Variants in DEFB112 observed in about 807,000 individuals in gnomAD.
DEFB112 encodes the protein beta-defensin 112.
A neutral mutation model predicts 1.1 loss-of-function variants in DEFB112; 2 were observed. The observed-to-expected ratio is 1.85, with a 90% confidence interval of 0.76 to 5.83. The LOEUF (loss-of-function observed/expected upper bound fraction) is 5.83. Among genes scored for constraint, DEFB112 ranks in the 30% most tolerant of loss-of-function variants. DEFB112 has a pLI of 0.05. For missense variants in DEFB112, 120 were observed against 94.4 expected (o/e 1.27, Z -1.12); for synonymous variants, 40 against 31.2 (o/e 1.28, Z -0.93).
At chr6:50,048,006 G>A (rs557751576) in intron 1 of DEFB112, among the ~76,000 whole-genome samples, 120 of 151,962 alleles carry the variant, frequency 7.9e-4, no homozygotes, top group Non-Finnish European at 1.1e-3. Flanking sequence ...AATTAGCGGG[G>A]CGTGGTGGTG....
chr6:50,047,040 G>T (rs917485031), intron 1 of DEFB112, among the ~76,000 whole-genome samples: 4 of 152,180 alleles, frequency 2.6e-5, no homozygotes, highest in East Asian at 1.9e-4. Context: ...CTGGGGGTCA[G>T]CTTGGTGTTG....
At chr6:50,046,505 T>A (rs577566182) in intron 1 of DEFB112, among the ~76,000 whole-genome samples, 1 of 152,246 alleles carries the variant, frequency 6.6e-6, no homozygotes, top group African/African-American at 2.4e-5. Context: ...AGATTTCAAA[T>A]TTTGAATGTT....
At chr6:50,045,029 T>C (rs1774809500) in intron 1 of DEFB112, among the ~76,000 whole-genome samples, 3 of 152,072 alleles carry the variant, frequency 2.0e-5, no homozygotes, top group Admixed American at 2.0e-4. Context: ...ATACTCTGGA[T>C]TTGCAGTGAT....
chr6:50,043,533 G>A lies in DEFB112; in HGVS notation c.*42C>T, dbSNP rs1774779681. 2.7e-6 allele frequency: 4 copies of A among 1,466,214 alleles called. No individual in the cohort carries two copies. The highest frequency in any genetic ancestry group is 1.4e-5 in the African/African-American group (1 of 71,976). The allele number at this position is 1,466,214 out of a possible 1,614,324, so 90.8% of individuals were successfully genotyped here. A position where few individuals can be genotyped will look rare whatever the true frequency, so the allele number is the denominator to read the frequency against. On this transcript the variant is annotated 3_prime_UTR_variant, in exon 2 of 2. Coordinates refer to ENST00000651554, the MANE Select transcript of DEFB112 (RefSeq NM_001369057.2). ...TTAATGAAGTGATGAAATAATGAGAGGACTTCATTCAGATGTATCATCTTC... is the reference window on the plus strand; with the variant it reads ...TTAATGAAGTGATGAAATAATGAGAAGACTTCATTCAGATGTATCATCTTC...
At chr6:50,047,146 G>T (rs1269317569) in intron 1 of DEFB112, among the ~76,000 whole-genome samples, 1 of 152,204 alleles carries the variant, frequency 6.6e-6, no homozygotes, top group African/African-American at 2.4e-5. Flanking sequence ...AGTCTGTGGG[G>T]CTTGAACTAG....
intron 1 of DEFB112, chr6:50,048,490 G>T (rs371358459): frequency 8.8e-6 from 13 of 1,478,182 alleles, no homozygotes; most frequent in Non-Finnish European, 1.1e-5. Flanking sequence ...CAGTCAAAAA[G>T]TATTGATTAA....
In DEFB112 at chr6:50,042,568, A is replaced by G. The variant is rs906304982; in HGVS notation, c.*1007T>C. ...CAGCCAAGGACAAAGCCTAGAGGAC[A>G]TTCTTTAAGTAATACTTAGCACATA... On this transcript the variant is annotated 3_prime_UTR_variant, in exon 2 of 2. Transcript: ENST00000651554. 6.6e-6 allele frequency among the ~76,000 whole-genome samples: 1 copy of G among 152,068 alleles called. No individual in the cohort carries two copies. The highest frequency in any genetic ancestry group is 2.4e-5 in the African/African-American group (1 of 41,446).
At chr6:50,047,301 T>A (rs1774850687) in intron 1 of DEFB112, among the ~76,000 whole-genome samples, 1 of 152,152 alleles carries the variant, frequency 6.6e-6, no homozygotes, top group Non-Finnish European at 1.5e-5. Flanking sequence ...TCTGAGGCCA[T>A]GGGGGCCTGC....
chr6:50,042,944 G>C lies in DEFB112; in HGVS notation c.*631C>G, dbSNP rs1042583806. ...AAACAAAGCAAAACAAAACAAAAAAGTTAATCATAATTTCACATTATCGTT... is the reference window on the plus strand; with the variant it reads ...AAACAAAGCAAAACAAAACAAAAAACTTAATCATAATTTCACATTATCGTT... On this transcript the variant is annotated 3_prime_UTR_variant, in exon 2 of 2. Transcript: ENST00000651554. Among the ~76,000 whole-genome samples, 1 of 151,908 alleles carries C rather than the reference G, an allele frequency of 6.6e-6. No individual in the cohort carries two copies. The highest frequency in any genetic ancestry group is 1.5e-5 in the Non-Finnish European group (1 of 67,922).
intron 1 of DEFB112, among the ~76,000 whole-genome samples, chr6:50,045,285 C>T (rs1191778994): frequency 6.6e-6 from 1 of 151,864 alleles, no homozygotes; most frequent in Non-Finnish European, 1.5e-5. Context: ...AATGCAGAGC[C>T]TAATGTAGCA....
chr6:50,048,969 A>C (rs145742702), intron 1 of DEFB112, among the ~76,000 whole-genome samples: 53 of 152,240 alleles, frequency 3.5e-4, no homozygotes, highest in Admixed American at 3.3e-4. Flanking sequence ...ATCAGTGTTT[A>C]TTGAAATCTG....
rs754910502 is a variant in DEFB112, at chr6:50,043,785, G to T, written c.75C>A (p.His25Gln). ...ACTTCCACCTACTAAAGGTGATATG[G>T]TGCCCTTCACTTCTGGCTGAAAGAA... Reference protein sequence around the residue: ...VLIPPARSEGHHITFSRWKSC... With the variant: ...VLIPPARSEGQHITFSRWKSC... The change falls in exon 2 of 2, where the codon CAC becomes CAA. Residue 25 changes from histidine to glutamine, a missense_variant. Coordinates refer to ENST00000651554, the MANE Select transcript of DEFB112 (RefSeq NM_001369057.2). 1 of 1,613,278 alleles carries T rather than the reference G, an allele frequency of 6.2e-7. No individual in the cohort carries two copies. The highest frequency in any genetic ancestry group is 1.3e-5 in the African/African-American group (1 of 74,994).
intron 1 of DEFB112, among the ~76,000 whole-genome samples, chr6:50,046,251 G>GTGTGTT (rs1774831615): frequency 6.6e-6 from 1 of 151,558 alleles, no homozygotes; most frequent in Admixed American, 6.6e-5. Flanking sequence ...GTGTGTGTGT[G>GTGTGTT]TGTGTGTGTA....
At chr6:50,048,843 A>G (rs1219591001) in intron 1 of DEFB112, among the ~76,000 whole-genome samples, 1 of 152,170 alleles carries the variant, frequency 6.6e-6, no homozygotes, top group African/African-American at 2.4e-5. Flanking sequence ...AAATGAATAA[A>G]TGACTTGGCT....
chr6:50,045,589 A>C (rs1017261299), intron 1 of DEFB112, among the ~76,000 whole-genome samples: 7 of 152,174 alleles, frequency 4.6e-5, no homozygotes, highest in African/African-American at 1.7e-4. Context: ...ATGTGTATAC[A>C]ATCAGGTGTC....
At chr6:50,046,514 T>C (rs776461031) in intron 1 of DEFB112, among the ~76,000 whole-genome samples, 34 of 152,140 alleles carry the variant, frequency 2.2e-4, no homozygotes, top group Non-Finnish European at 4.6e-4. Context: ...ATTTTGAATG[T>C]TCTGTTGAAT....
rs1192749223 is a variant in DEFB112 at position 50,043,463 on chromosome 6, A to G, written c.*112T>C. ...GTCCAGCTGAAATATATTTTATTTA[A>G]TTATTTATTCATTATAGGTATGCAT... On this transcript the variant is annotated 3_prime_UTR_variant, in exon 2 of 2. Transcript: ENST00000651554. 1.5e-6 allele frequency: 1 copy of G among 662,528 alleles called. No individual in the cohort carries two copies. The allele number at this position is 662,528 out of a possible 1,614,324, so 41.0% of individuals were successfully genotyped here.
At chr6:50,046,226 T>TGTGC (rs2113958407) in intron 1 of DEFB112, among the ~76,000 whole-genome samples, 1 of 142,416 alleles carries the variant, frequency 7.0e-6, no homozygotes, top group East Asian at 2.0e-4. Flanking sequence ...GAGCACTGTG[T>TGTGC]GTGTGTGTGT....
chr6:50,043,459 TTTAA>T lies in DEFB112; in HGVS notation c.*112_*115del, dbSNP rs1341495703. On this transcript the variant is annotated 3_prime_UTR_variant, in exon 2 of 2. Transcript: ENST00000651554. Reference sequence around the variant, plus strand: ...AAATGTCCAGCTGAAATATATTTTATTTAATTATTTATTCATTATAGGTATGCAT... The same window carrying T: ...AAATGTCCAGCTGAAATATATTTTATTTATTTATTCATTATAGGTATGCAT... 22 of 652,068 alleles carry T rather than the reference TTTAA, an allele frequency of 3.4e-5. No homozygotes were observed. The highest frequency in any genetic ancestry group is 4.9e-5 in the Non-Finnish European group (19 of 389,028). The allele number at this position is 652,068 out of a possible 1,614,324, so 40.4% of individuals were successfully genotyped here.
Sources: gnomAD v4.1 joint callset for allele counts (sites outside exome capture counted in the v4.1 genomes callset) on GRCh38, gnomAD v4.1.1 for gene constraint, MANE v1.5 for transcripts, NCBI Gene and HGNC (gene_info 2026-07-23, HGNC 2026-07-21) for gene names.